CDH12: variants seen among roughly 807,000 people sequenced by gnomAD.
The protein encoded by CDH12 is cadherin 12.
In CDH12, 41 loss-of-function variants were observed where a neutral mutation model predicts 74.1. The ratio of observed to expected loss-of-function variants is 0.55; its 90% CI spans 0.43 to 0.72. CDH12 has a LOEUF of 0.72. CDH12 is among the 30% of genes least tolerant of loss of function. The pLI, the probability that CDH12 is intolerant of heterozygous loss-of-function variation, is 0.00. For synonymous variants in CDH12, 399 were observed against 355.0 expected, an observed-to-expected ratio of 1.12 and a Z score of -1.39; for missense variants, 945 against 977.2, an observed-to-expected ratio of 0.97 and a Z score of 0.44.
chr5:21,858,291 A>C (rs1293307372), intron 6 of CDH12, among the ~76,000 whole-genome samples: 1 of 151,932 alleles, frequency 6.6e-6, no homozygotes, highest in Non-Finnish European at 1.5e-5. Context: ...TAGTCATAAC[A>C]TAATGTGATC....
At chr5:22,849,819 C>A (rs1264125915) in intron 1 of CDH12, among the ~76,000 whole-genome samples, 1 of 151,872 alleles carries the variant, frequency 6.6e-6, no homozygotes. Flanking sequence ...ATCTGTAGAG[C>A]AATGGATTAA....
chr5:22,545,729 G>A (rs771699484), intron 1 of CDH12, among the ~76,000 whole-genome samples: 1 of 152,084 alleles, frequency 6.6e-6, no homozygotes, highest in Non-Finnish European at 1.5e-5. Context: ...AATAATTGAT[G>A]TAAAATATAA....
intron 2 of CDH12, among the ~76,000 whole-genome samples, chr5:22,473,834 C>T (rs1310011035): frequency 6.6e-6 from 1 of 152,068 alleles, no homozygotes; most frequent in Non-Finnish European, 1.5e-5. Flanking sequence ...ACTGACATTT[C>T]TCAGTGTCAA....
intron 2 of CDH12, among the ~76,000 whole-genome samples, chr5:22,411,914 T>C (rs1250247503): frequency 6.6e-6 from 1 of 151,998 alleles, no homozygotes; most frequent in African/African-American, 2.4e-5. Flanking sequence ...TTTAATTCTG[T>C]TTTCTCAGTT....
At chr5:22,104,876 C>T (rs1170723620) in intron 4 of CDH12, among the ~76,000 whole-genome samples, 3 of 152,076 alleles carry the variant, frequency 2.0e-5, no homozygotes, top group East Asian at 1.9e-4. Flanking sequence ...ATAAACTGGG[C>T]GGCTTCAACA....
At chr5:22,778,606 A>C (rs1747227779) in intron 1 of CDH12, among the ~76,000 whole-genome samples, 1 of 152,188 alleles carries the variant, frequency 6.6e-6, no homozygotes, top group Admixed American at 6.5e-5. Context: ...ACATATTCCT[A>C]AGTGACAGTA....
intron 1 of CDH12, among the ~76,000 whole-genome samples, chr5:22,630,310 T>A (rs944869389): frequency 6.6e-6 from 1 of 151,994 alleles, no homozygotes; most frequent in Non-Finnish European, 1.5e-5. Flanking sequence ...GCCAAAGCAA[T>A]CCTAAGTAAA....
rs1477552286 is a variant in CDH12, at chr5:22,559,704, G to C, written c.-522-54340C>G. Reference sequence around the variant, plus strand: ...AACTGTATGAAAGTTAAGACAGCTGGGTCTATAATCACACACAAAAAAATC... The same window carrying C: ...AACTGTATGAAAGTTAAGACAGCTGCGTCTATAATCACACACAAAAAAATC... On this transcript the variant is annotated intron_variant, in intron 1 of 14. Coordinates refer to ENST00000382254, the MANE Select transcript of CDH12 (RefSeq NM_004061.5). 2.0e-5 allele frequency among the ~76,000 whole-genome samples: 3 copies of C among 151,958 alleles called. No homozygotes were observed. In the South Asian group the frequency reaches 6.3e-4, roughly 32 times the overall value.
At chr5:22,165,670 C>A (rs1748643010) in intron 4 of CDH12, among the ~76,000 whole-genome samples, 1 of 152,140 alleles carries the variant, frequency 6.6e-6, no homozygotes, top group African/African-American at 2.4e-5. Context: ...GGGGCTGCAT[C>A]CCCAGATAGG....
At chr5:22,531,002 G>T (rs1379227768) in intron 1 of CDH12, among the ~76,000 whole-genome samples, 1 of 151,708 alleles carries the variant, frequency 6.6e-6, no homozygotes, top group African/African-American at 2.4e-5. Flanking sequence ...ATTTCCTCTG[G>T]TGTCTTTTTT....
chr5:22,326,905 T>C (rs1387000462), intron 3 of CDH12, among the ~76,000 whole-genome samples: 2 of 152,232 alleles, frequency 1.3e-5, no homozygotes, highest in Non-Finnish European at 2.9e-5. Context: ...ATTGTGAAAA[T>C]ATTTTTATCT....
At chr5:22,194,451 C>T (rs1750507818) in intron 4 of CDH12, among the ~76,000 whole-genome samples, 1 of 151,944 alleles carries the variant, frequency 6.6e-6, no homozygotes. Flanking sequence ...CCTGCCTCAG[C>T]CTCCTGAGTA....
intron 1 of CDH12, among the ~76,000 whole-genome samples, chr5:22,684,126 C>A (rs1426319762): frequency 2.0e-5 from 3 of 152,058 alleles, no homozygotes; most frequent in Non-Finnish European, 4.4e-5. Context: ...TTGTCTGAGG[C>A]CCTTGGCTTT....
At chr5:22,557,875 C>T (rs965322813) in intron 1 of CDH12, among the ~76,000 whole-genome samples, 1 of 152,046 alleles carries the variant, frequency 6.6e-6, no homozygotes, top group Non-Finnish European at 1.5e-5. Flanking sequence ...TTGGTAACAA[C>T]TTGTGAATGT....
intron 1 of CDH12, among the ~76,000 whole-genome samples, chr5:22,644,690 G>A (rs993482041): frequency 9.9e-5 from 15 of 151,686 alleles, no homozygotes; most frequent in Non-Finnish European, 2.2e-4. Context: ...CAATGTAGAT[G>A]AACTAGCCTG....
At chr5:22,548,966 G>T (rs930981199) in intron 1 of CDH12, among the ~76,000 whole-genome samples, 31 of 151,766 alleles carry the variant, frequency 2.0e-4, no homozygotes, top group African/African-American at 6.8e-4. Context: ...AAGTGACAGG[G>T]TCTCGCTCTC....
intron 1 of CDH12, among the ~76,000 whole-genome samples, chr5:22,836,223 C>CTTTTTTTTTTTTTTGTTTTTTTTTTTTT: frequency 1.5e-5 from 1 of 65,506 alleles, no homozygotes; most frequent in Non-Finnish European, 2.6e-5. Flanking sequence ...CTTTCTTTCT[C>CTTTTTTTTTTTTTTGTTTTTTTTTTTTT]TTTTTTTTTT....
intron 1 of CDH12, among the ~76,000 whole-genome samples, chr5:22,708,054 T>C (rs1426618132): frequency 6.6e-6 from 1 of 152,220 alleles, no homozygotes; most frequent in Non-Finnish European, 1.5e-5. Flanking sequence ...AGTGAATTTC[T>C]AGATATGCTA....
intron 1 of CDH12, among the ~76,000 whole-genome samples, chr5:22,592,123 G>C (rs1462351280): frequency 6.6e-6 from 1 of 152,210 alleles, no homozygotes; most frequent in Non-Finnish European, 1.5e-5. Context: ...CAGGCTGCAA[G>C]GCTCCAGTGC....
Sources: allele counts gnomAD v4.1 joint callset (sites outside exome capture counted in the v4.1 genomes callset), GRCh38; gene constraint gnomAD v4.1.1; transcripts MANE v1.5; gene names NCBI Gene and HGNC (gene_info 2026-07-23, HGNC 2026-07-21).